The following PRDM16 variants were observed in gnomAD, a reference collection of about 807,000 sequenced individuals.
The protein encoded by PRDM16 is histone-lysine N-methyltransferase PRDM16.
A neutral mutation model predicts 110.6 loss-of-function variants in PRDM16; 23 were observed. The observed-to-expected ratio is 0.21, with a 90% CI of 0.15 to 0.29. The LOEUF (loss-of-function observed/expected upper bound fraction) is 0.29. Ranked by LOEUF, PRDM16 falls within the 10% of genes least tolerant of loss-of-function variation. The pLI is 1.00. For missense variants in PRDM16, 1,615 were observed against 1,794.3 expected (o/e 0.90, Z 1.81); for synonymous variants, 799 against 781.8 (o/e 1.02, Z -0.37).
At chr1:3,221,991 C>A (rs1372904775) in intron 2 of PRDM16, among the ~76,000 whole-genome samples, 1 of 152,212 alleles carries the variant, frequency 6.6e-6, no homozygotes, top group East Asian at 1.9e-4. Context: ...GAAGTAGTCT[C>A]GCGTCTTATC....
At chr1:3,273,882 C>T (rs1008659133) in intron 3 of PRDM16, among the ~76,000 whole-genome samples, 3 of 131,318 alleles carry the variant, frequency 2.3e-5, no homozygotes, top group Non-Finnish European at 4.9e-5. Context: ...TGCCAGCCTA[C>T]GTGTGGGTAG....
At chr1:3,183,244 C>T (rs1490007480) in intron 1 of PRDM16, among the ~76,000 whole-genome samples, 1 of 152,194 alleles carries the variant, frequency 6.6e-6, no homozygotes, top group Admixed American at 6.5e-5. Context: ...GAGGGTCGGG[C>T]AGCCTCCTGA....
rs377426436 is a variant in PRDM16, at chr1:3,426,046, C to G, written c.3110-5C>G. The stretch of plus-strand genomic sequence containing the variant: ...CCGCCCCCTGATGCTCCCGCCCCTC[C>G]GCAGTGAGCCAGCACCCCGGGGTCC... On this transcript the variant is annotated splice_region_variant and splice_polypyrimidine_tract_variant and intron_variant, in intron 13 of 16. Transcript: ENST00000270722. The G allele has an allele frequency of 6.2e-7, 1 of 1,610,840 alleles. No individual in the cohort carries two copies. The highest frequency in any genetic ancestry group is 8.5e-7 in the Non-Finnish European group (1 of 1,178,732).
At position 3,314,074 on chromosome 1, in the gene PRDM16, G is replaced by GGGGT. The variant is rs1045018722; in HGVS notation, c.438+69940_438+69941insTGGG. On this transcript the variant is annotated intron_variant, in intron 3 of 16. Coordinates refer to ENST00000270722, the MANE Select transcript of PRDM16 (RefSeq NM_022114.4). ...CCCGAATGCCGTCCTTCCCCACCGG[G>GGGGT]GGGGGGGGCGGGAACATAAAATGGA... 2.6e-4 allele frequency among the ~76,000 whole-genome samples: 33 copies of GGGGT among 127,546 alleles called. 5 individuals carry two copies. Among genetic ancestry groups the GGGGT allele is most frequent in the African/African-American group, 1.0e-3 (31 of 30,680 alleles). 83.7% of individuals were successfully genotyped at this position (127,546 alleles called of 152,430 possible). A position where few individuals can be genotyped will look rare whatever the true frequency, so the allele number is the denominator to read the frequency against.
Position 3,230,095 on chromosome 1 carries a change from A to G in PRDM16, c.388-13992A>G, listed in dbSNP as rs1268279206. On this transcript the variant is annotated intron_variant, in intron 2 of 16. Transcript: ENST00000270722. ...AGCTCTCTGGGATCCCTGGACCCCT[A>G]CAGGGTCACTGTGAGATGAAATCAC... Among the ~76,000 whole-genome samples, 4 of 152,186 alleles carry G rather than the reference A, an allele frequency of 2.6e-5. No individual in the cohort carries two copies. In the East Asian group the frequency reaches 7.7e-4, roughly 29 times the overall value.
At chr1:3,251,396 C>T (rs1393216574) in intron 3 of PRDM16, among the ~76,000 whole-genome samples, 1 of 152,168 alleles carries the variant, frequency 6.6e-6, no homozygotes, top group Non-Finnish European at 1.5e-5. Context: ...AGGCACAGCT[C>T]TGGGCACCCG....
At position 3,175,732 on chromosome 1, in the gene PRDM16, A is replaced by G. The variant is rs1644077482; in HGVS notation, c.38-10393A>G. On this transcript the variant is annotated intron_variant, in intron 1 of 16. Coordinates refer to ENST00000270722, the MANE Select transcript of PRDM16 (RefSeq NM_022114.4). This position sits in a 1 kb window ranked among gnomAD's most constrained non-coding sequence, Gnocchi z 4.8. ...GAGGGTGACAGCCGGTCAGCCCTGA[A>G]GAAGCAGCAGAGAAACCAGCCCTTT... is the stretch of plus-strand genomic sequence containing the variant. 6.6e-6 allele frequency among the ~76,000 whole-genome samples: 1 copy of G among 152,194 alleles called. No homozygotes were observed. Among genetic ancestry groups the G allele is most frequent in the East Asian group, 1.9e-4 (1 of 5,194 alleles).
intron 2 of PRDM16, among the ~76,000 whole-genome samples, chr1:3,233,347 G>A (rs1305003192): frequency 6.6e-6 from 1 of 152,254 alleles, no homozygotes; most frequent in African/African-American, 2.4e-5. Flanking sequence ...AGTCGGGACA[G>A]CCACTTTGGG....
chr1:3,391,185 G>C (rs1002387935), intron 4 of PRDM16, among the ~76,000 whole-genome samples: 2 of 152,132 alleles, frequency 1.3e-5, no homozygotes, highest in African/African-American at 4.8e-5. Flanking sequence ...ATTTGGTTAA[G>C]GCAGGCAGGA....
chr1:3,282,920 A>C (rs905135), intron 3 of PRDM16, among the ~76,000 whole-genome samples: 32,615 of 152,162 alleles, frequency 0.21, 7,450 homozygotes, highest in African/African-American at 0.57. Context: ...GAGGCGTGGT[A>C]GTATTAGGGC....
rs749509873 is a variant in PRDM16, at chr1:3,432,156, A to T, written c.3696+16A>T. The T allele has an allele frequency of 1.2e-6, 2 of 1,608,334 alleles. No homozygotes were observed. The highest frequency in any genetic ancestry group is 3.3e-5 in the Admixed American group (2 of 59,812). On this transcript the variant is annotated intron_variant, in intron 16 of 16. Transcript: ENST00000270722. ...TAAGAACCAGGTAGGTACCCGCCAG[A>T]GCCCCTCCCCCACCCCACCTGGCCT...
intron 2 of PRDM16, among the ~76,000 whole-genome samples, chr1:3,219,074 G>C (rs1639095569): frequency 6.6e-6 from 1 of 152,232 alleles, no homozygotes; most frequent in Non-Finnish European, 1.5e-5. Flanking sequence ...GCCGCGAGGA[G>C]GGCCTTTAGG....
chr1:3,124,102 G>T (rs1483409390), intron 1 of PRDM16, among the ~76,000 whole-genome samples: 2 of 152,172 alleles, frequency 1.3e-5, no homozygotes, highest in Non-Finnish European at 2.9e-5. Flanking sequence ...CCCAAGAACT[G>T]CTGGGACCCG....
At chr1:3,181,905 T>G (rs1644212846) in intron 1 of PRDM16, among the ~76,000 whole-genome samples, 1 of 106,136 alleles carries the variant, frequency 9.4e-6, no homozygotes, top group African/African-American at 3.2e-5. Flanking sequence ...CACACGGTCT[T>G]ACACACGCAG....
At chr1:3,127,212 C>A (rs975352682) in intron 1 of PRDM16, among the ~76,000 whole-genome samples, 9 of 152,264 alleles carry the variant, frequency 5.9e-5, no homozygotes, top group Non-Finnish European at 1.0e-4. Context: ...CTTCTGCGAT[C>A]CTCGCTTGAC....
intron 3 of PRDM16, among the ~76,000 whole-genome samples, chr1:3,269,978 AGAG>A (rs551169919): frequency 2.1e-5 from 3 of 145,216 alleles, no homozygotes; most frequent in Non-Finnish European, 4.5e-5. Context: ...GGACAGTTCC[AGAG>A]GAGGACAGTC....
At chr1:3,431,769 C>T (rs1337514873) in intron 15 of PRDM16, among the ~76,000 whole-genome samples, 197 bp from the exon 16 acceptor site, 2 of 152,272 alleles carry the variant, frequency 1.3e-5, no homozygotes, top group East Asian at 1.9e-4. Context: ...TCCCTGACCT[C>T]TGTCCGTCAC....
At chr1:3,414,853 C>T (rs1238965369) in intron 10 of PRDM16, among the ~76,000 whole-genome samples, 1 of 152,138 alleles carries the variant, frequency 6.6e-6, no homozygotes, top group African/African-American at 2.4e-5. Context: ...CTGAGAGTGA[C>T]CCTCACAGGG....
intron 1 of PRDM16, among the ~76,000 whole-genome samples, chr1:3,147,182 GGT>G (rs1473508059): frequency 6.6e-6 from 1 of 151,298 alleles, no homozygotes; most frequent in Non-Finnish European, 1.5e-5. Flanking sequence ...GTGTGTGCTC[GGT>G]GTGGGTGTGG....
Sources: gnomAD v4.1 joint callset for allele counts (sites outside exome capture counted in the v4.1 genomes callset) on GRCh38, gnomAD v4.1.1 for gene constraint, Gnocchi (gnomAD v3.1) non-coding constraint, MANE v1.5 for transcripts, NCBI Gene and HGNC (gene_info 2026-07-23, HGNC 2026-07-21) for gene names.